Variants in NRXN3 observed in about 807,000 individuals in gnomAD.
The protein encoded by NRXN3 is neurexin III.
In NRXN3, 32 loss-of-function variants were observed where a neutral mutation model predicts 137.6. The observed-to-expected ratio is 0.23, with a 90% CI of 0.18 to 0.31. NRXN3 has a LOEUF of 0.31. Among genes scored for constraint, NRXN3 ranks in the 10% least tolerant of loss-of-function variants. The pLI, the probability that NRXN3 is intolerant of heterozygous loss-of-function variation, is 1.00. For missense variants in NRXN3, 1,574 were observed against 2,062.5 expected (o/e 0.76, Z 4.59); for synonymous variants, 798 against 784.5 (o/e 1.02, Z -0.29).
At chr14:78,954,519 C>T (rs938733258) in intron 10 of NRXN3, among the ~76,000 whole-genome samples, 1 of 152,228 alleles carries the variant, frequency 6.6e-6, no homozygotes, top group Admixed American at 6.5e-5. Flanking sequence ...GGCTGGAGGG[C>T]AGTGGCGCAA....
At chr14:79,620,422 A>G (rs1444985401) in intron 16 of NRXN3, among the ~76,000 whole-genome samples, 1 of 152,144 alleles carries the variant, frequency 6.6e-6, no homozygotes, top group Non-Finnish European at 1.5e-5. Flanking sequence ...ATGTAAGAAC[A>G]TGAGCAAAGA....
At chr14:78,910,234 G>C (rs1381843431) in intron 10 of NRXN3, among the ~76,000 whole-genome samples, 1 of 152,050 alleles carries the variant, frequency 6.6e-6, no homozygotes, top group Non-Finnish European at 1.5e-5. Flanking sequence ...CCGAGAGCCT[G>C]ACTGCTTGGA....
At chr14:78,338,001 G>C (rs35531727) in intron 4 of NRXN3, among the ~76,000 whole-genome samples, 5,476 of 152,180 alleles carry the variant, frequency 0.036, 149 homozygotes, top group Admixed American at 0.067. Flanking sequence ...GTACATGGAT[G>C]GGGGGATGGA....
intron 4 of NRXN3, among the ~76,000 whole-genome samples, chr14:78,602,034 A>G (rs1317668098): frequency 1.3e-5 from 2 of 152,124 alleles, no homozygotes; most frequent in Non-Finnish European, 2.9e-5. Context: ...TGGATGAACT[A>G]CAGGTTTAAG....
At chr14:79,263,147 CT>C (rs1291128300) in intron 15 of NRXN3, among the ~76,000 whole-genome samples, 1 of 152,112 alleles carries the variant, frequency 6.6e-6, no homozygotes, top group African/African-American at 2.4e-5. Context: ...AACTTCAAAG[CT>C]ATAATTTTGG....
rs141059470 is a variant in NRXN3, at chr14:78,767,517, C to T, written c.2045-36103C>T. On this transcript the variant is annotated intron_variant, in intron 8 of 20. Transcript: ENST00000335750. Reference sequence around the variant, plus strand: ...TAGGGTCTATCTACCACACTGTCAACGTGCAATACCCCTGGCATGTGTCGC... The same window carrying T: ...TAGGGTCTATCTACCACACTGTCAATGTGCAATACCCCTGGCATGTGTCGC... Among the ~76,000 whole-genome samples, 1,020 of 152,250 alleles carry T rather than the reference C, an allele frequency of 6.7e-3. 16 individuals are homozygous for T. Among genetic ancestry groups the T allele is most frequent in the African/African-American group, 0.022 (931 of 41,548 alleles).
At chr14:79,652,258 A>G (rs1425036848) in intron 16 of NRXN3, among the ~76,000 whole-genome samples, 1 of 152,200 alleles carries the variant, frequency 6.6e-6, no homozygotes, top group African/African-American at 2.4e-5. Flanking sequence ...AGCCTCTTGA[A>G]TGACATCATT....
chr14:79,101,932 C>T (rs1346789973), intron 15 of NRXN3, among the ~76,000 whole-genome samples: 1 of 152,080 alleles, frequency 6.6e-6, no homozygotes, highest in Non-Finnish European at 1.5e-5. Flanking sequence ...GATATGGACA[C>T]ACACAGGGAA....
At chr14:78,936,310 A>G (rs2152890911) in intron 10 of NRXN3, among the ~76,000 whole-genome samples, 1 of 152,342 alleles carries the variant, frequency 6.6e-6, no homozygotes. Context: ...GGGGTCTGCA[A>G]ACTACAATCA....
At chr14:79,219,503 T>C (rs113043323) in intron 15 of NRXN3, among the ~76,000 whole-genome samples, 109 of 152,292 alleles carry the variant, frequency 7.2e-4, no homozygotes, top group Middle Eastern at 3.4e-3. Context: ...GCTCTGTCAT[T>C]AGCATTGCTT....
At chr14:78,280,324 A>T (rs1156336749) in intron 3 of NRXN3, among the ~76,000 whole-genome samples, 1 of 152,206 alleles carries the variant, frequency 6.6e-6, no homozygotes, top group Non-Finnish European at 1.5e-5. Context: ...TATGCATGTT[A>T]TGTATATATT....
intron 16 of NRXN3, among the ~76,000 whole-genome samples, chr14:79,641,567 T>C (rs2098434375): frequency 7.4e-6 from 1 of 135,576 alleles, no homozygotes. Context: ...ATGTTGGCTC[T>C]CCTTTGGACT....
intron 4 of NRXN3, among the ~76,000 whole-genome samples, chr14:78,493,566 A>AT (rs1312905280): frequency 1.3e-5 from 2 of 150,522 alleles, no homozygotes; most frequent in East Asian, 2.0e-4. Flanking sequence ...AAATAAATAA[A>AT]AAGAATTAGC....
At chr14:79,217,615 G>A (rs1345116159) in intron 15 of NRXN3, among the ~76,000 whole-genome samples, 1 of 152,160 alleles carries the variant, frequency 6.6e-6, no homozygotes, top group Non-Finnish European at 1.5e-5. Flanking sequence ...TATCTAGGCA[G>A]GTTAGCATAC....
chr14:78,675,650 G>C (rs1229920536), intron 6 of NRXN3, among the ~76,000 whole-genome samples: 1 of 152,202 alleles, frequency 6.6e-6, no homozygotes, highest in Admixed American at 6.5e-5. Flanking sequence ...AGCTCAGACA[G>C]ATTGGTAGTG....
chr14:78,837,814 G>T, intron 10 of NRXN3, among the ~76,000 whole-genome samples: 1 of 152,140 alleles, frequency 6.6e-6, no homozygotes, highest in East Asian at 1.9e-4. Flanking sequence ...CCACATTACA[G>T]TGTTCCAGAA....
At chr14:78,788,241 A>C (rs944789596) in intron 8 of NRXN3, among the ~76,000 whole-genome samples, 2 of 145,046 alleles carry the variant, frequency 1.4e-5, no homozygotes, top group Admixed American at 1.4e-4. Flanking sequence ...ATTCAAACAC[A>C]TATGTACATG....
At chr14:78,941,722 A>C (rs2099353364) in intron 10 of NRXN3, among the ~76,000 whole-genome samples, 1 of 152,200 alleles carries the variant, frequency 6.6e-6, no homozygotes, top group Non-Finnish European at 1.5e-5. Context: ...ATGGGATAAA[A>C]ATGCTTACTT....
At chr14:78,625,087 G>A (rs1360529866) in intron 4 of NRXN3, among the ~76,000 whole-genome samples, 4 of 152,074 alleles carry the variant, frequency 2.6e-5, no homozygotes, top group South Asian at 2.1e-4. Flanking sequence ...AGATCCACCC[G>A]CCTTGGCCTC....
Sources: gnomAD v4.1 joint callset for allele counts (sites outside exome capture counted in the v4.1 genomes callset) on GRCh38, gnomAD v4.1.1 for gene constraint, MANE v1.5 for transcripts, NCBI Gene and HGNC (gene_info 2026-07-23, HGNC 2026-07-21) for gene names.